HEMK2: variants seen among roughly 807,000 people sequenced by gnomAD.
The protein encoded by HEMK2 is HemK methyltransferase 2, ETF1 glutamine and histone H4 lysine.
chr21:28,641,557 A>G, the HEMK2 span, among the ~76,000 whole-genome samples: 7 of 152,230 alleles, frequency 4.6e-5, no homozygotes, highest in African/African-American at 1.7e-4. Context: ...AATGATGGAT[A>G]GAAGGTCAAA....
the HEMK2 span, among the ~76,000 whole-genome samples, chr21:28,838,998 T>TATAC: frequency 1.7e-5 from 1 of 57,974 alleles, no homozygotes; most frequent in Non-Finnish European, 2.8e-5. Context: ...TATATATATA[T>TATAC]ATACATATAT....
chr21:28,625,555 A>G, the HEMK2 span, among the ~76,000 whole-genome samples: 6 of 152,058 alleles, frequency 3.9e-5, no homozygotes, highest in Non-Finnish European at 1.5e-5. Context: ...CCCCGTCTGT[A>G]CTAAAAGTAC....
At chr21:28,864,852 T>C in the HEMK2 span, among the ~76,000 whole-genome samples, 156 of 135,864 alleles carry the variant, frequency 1.1e-3, no homozygotes, top group African/African-American at 4.0e-3. Flanking sequence ...GATAGATAGA[T>C]AGATAGATAG....
the HEMK2 span, among the ~76,000 whole-genome samples, chr21:28,649,265 A>G: frequency 1.6e-3 from 247 of 152,304 alleles, 5 homozygotes; most frequent in East Asian, 0.041. Context: ...GAAGCTCATA[A>G]GTAGAATAGA....
At chr21:28,867,352 T>C in the HEMK2 span, among the ~76,000 whole-genome samples, 5 of 152,280 alleles carry the variant, frequency 3.3e-5, no homozygotes, top group Admixed American at 3.3e-4. Context: ...GAAAACTCAA[T>C]TTGAGACATT....
chr21:28,608,876 C>T, the HEMK2 span, among the ~76,000 whole-genome samples: 1 of 152,080 alleles, frequency 6.6e-6, no homozygotes, highest in Non-Finnish European at 1.5e-5. Flanking sequence ...GAGAACCACA[C>T]CCCCATCCCT....
At chr21:28,842,862 C>T in the HEMK2 span, among the ~76,000 whole-genome samples, 5 of 152,154 alleles carry the variant, frequency 3.3e-5, no homozygotes, top group African/African-American at 1.2e-4. Flanking sequence ...AGGAGGGTCC[C>T]TTTGCCTAAC....
At chr21:28,578,174 C>T in the HEMK2 span, among the ~76,000 whole-genome samples, 10 of 152,294 alleles carry the variant, frequency 6.6e-5, no homozygotes, top group East Asian at 1.9e-4. Flanking sequence ...AGCTTAACTC[C>T]GCCCTTTGTT....
the HEMK2 span, among the ~76,000 whole-genome samples, chr21:28,782,911 C>T: frequency 1.3e-5 from 2 of 152,076 alleles, no homozygotes; most frequent in African/African-American, 4.8e-5. Flanking sequence ...AATGGCCAAT[C>T]TCTCTATAAA....
chr21:28,658,318 A>T, the HEMK2 span, among the ~76,000 whole-genome samples: 4 of 152,104 alleles, frequency 2.6e-5, no homozygotes, highest in Non-Finnish European at 5.9e-5. Context: ...AAAGGATATT[A>T]AAAATGCCCG....
chr21:28,739,883 A>G, the HEMK2 span, among the ~76,000 whole-genome samples: 2,616 of 152,332 alleles, frequency 0.017, 63 homozygotes, highest in East Asian at 0.065. Flanking sequence ...TTTTCCAAAC[A>G]TAAGTAGAAA....
At chr21:28,879,780 A>T in the HEMK2 span, 5 of 943,058 alleles carry the variant, frequency 5.3e-6, no homozygotes, top group African/African-American at 8.7e-5. Context: ...TGATAGCAGC[A>T]GCTGACTGAT....
At chr21:28,723,719 A>AG in the HEMK2 span, among the ~76,000 whole-genome samples, 1 of 152,302 alleles carries the variant, frequency 6.6e-6, no homozygotes, top group Non-Finnish European at 1.5e-5. Context: ...GAAATGAAGG[A>AG]GTGAGATCAT....
At chr21:28,708,047 G>A in the HEMK2 span, among the ~76,000 whole-genome samples, 3 of 152,030 alleles carry the variant, frequency 2.0e-5, no homozygotes, top group Non-Finnish European at 4.4e-5. Flanking sequence ...GGGAAGCATG[G>A]GTGAAAAAAG....
chr21:28,646,032 C>A, the HEMK2 span, among the ~76,000 whole-genome samples: 189 of 152,228 alleles, frequency 1.2e-3, 2 homozygotes, highest in African/African-American at 3.7e-3. Flanking sequence ...GATTTTAATT[C>A]ATGTTAAAGC....
At chr21:28,814,337 C>A in the HEMK2 span, among the ~76,000 whole-genome samples, 1 of 151,660 alleles carries the variant, frequency 6.6e-6, no homozygotes, top group African/African-American at 2.4e-5. Flanking sequence ...GACTTCATGT[C>A]TAAAACACCA....
the HEMK2 span, chr21:28,882,144 A>T: frequency 6.4e-7 from 1 of 1,552,096 alleles, no homozygotes; most frequent in African/African-American, 1.4e-5. Flanking sequence ...TTATTACTGG[A>T]CAAAGATTAT....
chr21:28,683,225 C>T, the HEMK2 span, among the ~76,000 whole-genome samples: 4 of 152,004 alleles, frequency 2.6e-5, no homozygotes, highest in South Asian at 8.3e-4. Context: ...GTAATAGTAA[C>T]ATACACATTT....
At chr21:28,644,316 G>C in the HEMK2 span, among the ~76,000 whole-genome samples, 3 of 152,064 alleles carry the variant, frequency 2.0e-5, no homozygotes, top group African/African-American at 4.8e-5. Context: ...GAGCAACATG[G>C]GGAGACCGCC....
Sources: gnomAD v4.1 joint callset for allele counts (sites outside exome capture counted in the v4.1 genomes callset) on GRCh38, gnomAD v4.1.1 for gene constraint, MANE v1.5 for transcripts, NCBI Gene and HGNC (gene_info 2026-07-23, HGNC 2026-07-21) for gene names.